Variants in LIPG observed in about 807,000 individuals in gnomAD.
LIPG encodes lipase G, endothelial type, also known as endothelial lipase.
LIPG carries 34 observed loss-of-function variants against 51.8 expected under a neutral mutation model. The observed-to-expected ratio is 0.66, with a 90% CI of 0.50 to 0.87. The LOEUF (loss-of-function observed/expected upper bound fraction) is 0.87, where lower values mean the gene tolerates loss of function less well. Ranked by LOEUF, LIPG falls within the 40% of genes least tolerant of loss-of-function variation. The pLI, the probability that LIPG is intolerant of heterozygous loss-of-function variation, is 0.00. For synonymous variants in LIPG, 246 were observed against 246.1 expected, an observed-to-expected ratio of 1.00 and a Z score of 0.00; for missense variants, 580 against 652.7, an observed-to-expected ratio of 0.89 and a Z score of 1.21.
At chr18:49,579,031 A>T (rs1204214100) in intron 5 of LIPG, among the ~76,000 whole-genome samples, 2 of 68 alleles carry the variant, frequency 0.029, no homozygotes, top group East Asian at 0.25. Flanking sequence ...GGAGAGGGAG[A>T]GGGAGAGGGA....
At chr18:49,588,408 G>A (rs2084907064) in intron 9 of LIPG, among the ~76,000 whole-genome samples, 2 of 151,064 alleles carry the variant, frequency 1.3e-5, no homozygotes, top group Admixed American at 6.6e-5. Flanking sequence ...TCAACCTTCC[G>A]AGTAGCTGGG....
In LIPG at chr18:49,577,738, C is replaced by T. The variant is rs1461011101; in HGVS notation, c.793+2148C>T. Among the ~76,000 whole-genome samples the T allele has an allele frequency of 2.3e-3, 165 of 71,516 alleles. 6 individuals are homozygous for T. The highest frequency in any genetic ancestry group is 0.011 in the East Asian group (35 of 3,210). The allele number at this position is 71,516 out of a possible 152,430, so 46.9% of individuals were successfully genotyped here. A position where few individuals can be genotyped will look rare whatever the true frequency, so the allele number is the denominator to read the frequency against. Reference sequence around the variant, plus strand: ...CTCCCGGATGGCACGGCTGGCCGGGCGGGGGGGCTGACCCCCCCACCTCCC... The same window carrying T: ...CTCCCGGATGGCACGGCTGGCCGGGTGGGGGGGCTGACCCCCCCACCTCCC... On this transcript the variant is annotated intron_variant, in intron 5 of 9. Coordinates refer to ENST00000261292, the MANE Select transcript of LIPG (RefSeq NM_006033.4).
chr18:49,589,939 T>G (rs2084922799), intron 9 of LIPG: 1 of 172,058 alleles, frequency 5.8e-6, no homozygotes, highest in African/African-American at 2.4e-5. Context: ...CATAGCATCA[T>G]ATGTAACATG....
chr18:49,593,723 C>T lies in LIPG; in HGVS notation c.*3201C>T, dbSNP rs999367704. 6.6e-6 allele frequency: 1 copy of T among 152,260 alleles called. No homozygotes were observed. The highest frequency in any genetic ancestry group is 2.4e-5 in the African/African-American group (1 of 41,460). The allele number at this position is 152,260 out of a possible 1,614,324, so 9.4% of individuals were successfully genotyped here. A position where few individuals can be genotyped will look rare whatever the true frequency, so the allele number is the denominator to read the frequency against. On this transcript the variant is annotated 3_prime_UTR_variant, in exon 10 of 10. Coordinates refer to ENST00000261292, the MANE Select transcript of LIPG (RefSeq NM_006033.4). The stretch of plus-strand genomic sequence containing the variant: ...AAAGCCAGAAAAGGGAAGGGATGAA[C>T]AGTCTCCTCTTAAAGACATGACTGA...
In LIPG at chr18:49,596,987, C is replaced by G. The variant is rs2084986148; in HGVS notation, c.*6465C>G. ...TTGTCAATGGCTAGTAGACCTTTAC[C>G]TGGTCCAGAGTTGTCTGCATTGTTT... On this transcript the variant is annotated 3_prime_UTR_variant, in exon 10 of 10. Transcript: ENST00000261292. 6.6e-6 allele frequency: 1 copy of G among 152,206 alleles called. No homozygotes were observed. The allele number at this position is 152,206 out of a possible 1,614,324, so 9.4% of individuals were successfully genotyped here.
chr18:49,577,224 C>T (rs1444184688), intron 5 of LIPG, among the ~76,000 whole-genome samples: 37 of 130,874 alleles, frequency 2.8e-4, no homozygotes, highest in African/African-American at 1.1e-3. Context: ...TGACTCTTAA[C>T]GAGCATGCTG....
intron 5 of LIPG, among the ~76,000 whole-genome samples, chr18:49,578,138 C>T (rs1458006068): frequency 6.9e-6 from 1 of 144,030 alleles, no homozygotes; most frequent in Non-Finnish European, 1.5e-5. Flanking sequence ...CCCCACCTCC[C>T]TCCCGGACGG....
rs141025582 is a variant in LIPG, at chr18:49,582,558, G to A, written c.1157+76G>A. ...TGAGAATGAGAGAGCACAAGGGAGC[G>A]TGTGAACGAGTACAGCACGCAGGAG... On this transcript the variant is annotated intron_variant, in intron 7 of 9. Coordinates refer to ENST00000261292, the MANE Select transcript of LIPG (RefSeq NM_006033.4). 99 of 1,581,366 alleles carry A rather than the reference G, an allele frequency of 6.3e-5. No individual in the cohort carries two copies. The East Asian group carries it at 1.1e-3, about 17-fold the overall frequency.
chr18:49,573,280 G>A (rs1484898716), intron 4 of LIPG, among the ~76,000 whole-genome samples: 3 of 152,214 alleles, frequency 2.0e-5, no homozygotes, highest in Non-Finnish European at 2.9e-5. Context: ...TCAGTACTGC[G>A]GTCCTTGCGG....
chr18:49,588,113 TCTC>T (rs145200514), intron 9 of LIPG, among the ~76,000 whole-genome samples: 2,867 of 152,112 alleles, frequency 0.019, 76 homozygotes, highest in African/African-American at 0.059. Context: ...ATTGACATCT[TCTC>T]TGTAATAACT....
chr18:49,563,862 T>C (rs2084575853), intron 1 of LIPG, among the ~76,000 whole-genome samples: 1 of 152,118 alleles, frequency 6.6e-6, no homozygotes, highest in African/African-American at 2.4e-5. Flanking sequence ...AGAGTCTTTG[T>C]CCATATGTGG....
rs1163193741 is a variant in LIPG, at chr18:49,598,654, T to C, written c.*8132T>C. On this transcript the variant is annotated 3_prime_UTR_variant, in exon 10 of 10. Transcript: ENST00000261292. ...ATAAACTGCACACAGGTAAATCATA[T>C]AATTTGACATTTTGGTACAGGAAAT... is the stretch of plus-strand genomic sequence containing the variant. The C allele has an allele frequency of 6.6e-6, 1 of 152,194 alleles. No homozygotes were observed. Among genetic ancestry groups the C allele is most frequent in the East Asian group, 1.9e-4 (1 of 5,200 alleles). 9.4% of individuals were successfully genotyped at this position (152,194 alleles called of 1,614,324 possible).
chr18:49,561,516 G>C (rs746422459), upstream of LIPG: 1 of 445,476 alleles, frequency 2.2e-6, no homozygotes, highest in African/African-American at 2.0e-5. Flanking sequence ...GCTCCGCCGG[G>C]TTATTGTGCG....
In LIPG at chr18:49,575,509, C is replaced by T; in HGVS notation, c.712C>T (p.His238Tyr). The T allele has an allele frequency of 6.2e-7, 1 of 1,614,200 alleles. No individual in the cohort carries two copies. Among genetic ancestry groups the T allele is most frequent in the Non-Finnish European group, 8.5e-7 (1 of 1,180,040 alleles). ...LSIGIQMPVG[H>Y]IDIYPNGGDF... is the part of the protein sequence containing the mutation. ...CATTGGTATTCAGATGCCTGTGGGC[C>T]ACATTGACATCTACCCCAATGGGGG... Residue 238 changes from histidine (H) to tyrosine (Y), a missense_variant, in exon 5 of 10, where the codon CAC (histidine) becomes TAC (tyrosine). His to Tyr is a moderately conservative substitution (Grantham distance 83, BLOSUM62 2). Coordinates refer to ENST00000261292, the MANE Select transcript of LIPG (RefSeq NM_006033.4).
chr18:49,580,520 G>T (rs1405229047), intron 5 of LIPG, among the ~76,000 whole-genome samples: 1 of 152,206 alleles, frequency 6.6e-6, no homozygotes, highest in Non-Finnish European at 1.5e-5. Flanking sequence ...TGGTGCACCT[G>T]TAGTCCCACC....
intron 1 of LIPG, among the ~76,000 whole-genome samples, chr18:49,563,579 G>A (rs2084573252): frequency 6.6e-6 from 1 of 151,776 alleles, no homozygotes; most frequent in Admixed American, 6.6e-5. Context: ...AAGTATCAGT[G>A]GTGCTCAGTA....
At chr18:49,586,709 AG>A (rs1322211266) in intron 8 of LIPG, 36 bp from the exon 9 acceptor site, 1 of 1,455,504 alleles carries the variant, frequency 6.9e-7, no homozygotes, top group Non-Finnish European at 9.7e-7. Flanking sequence ...TTCCCCCTAA[AG>A]TTCTGCCTAC....
intron 5 of LIPG, among the ~76,000 whole-genome samples, chr18:49,576,457 C>CTTTTTTT (rs34597464): frequency 0.012 from 617 of 51,470 alleles, 200 homozygotes; most frequent in African/African-American, 0.018. Flanking sequence ...CAGAATCTTG[C>CTTTTTTT]TTTTTTTTTT....
intron 3 of LIPG, among the ~76,000 whole-genome samples, chr18:49,569,204 C>T (rs57759309): frequency 6.6e-6 from 1 of 152,156 alleles, no homozygotes; most frequent in African/African-American, 2.4e-5. Flanking sequence ...ATACCCTCCA[C>T]CCTGTCCCCA....
Sources: allele counts gnomAD v4.1 joint callset (sites outside exome capture counted in the v4.1 genomes callset), GRCh38; gene constraint gnomAD v4.1.1; transcripts MANE v1.5; gene names NCBI Gene and HGNC (gene_info 2026-07-23, HGNC 2026-07-21).